The following OSBPL1A variants were observed in gnomAD, a reference collection of about 807,000 sequenced individuals.
The protein encoded by OSBPL1A is oxysterol-binding protein-related protein 1.
In OSBPL1A, 80 loss-of-function variants were observed where a neutral mutation model predicts 137.1. The ratio of observed to expected loss-of-function variants is 0.58; its 90% CI spans 0.49 to 0.70. OSBPL1A has a LOEUF of 0.70. OSBPL1A is among the 30% of genes least tolerant of loss of function. The pLI is 0.00. For synonymous variants in OSBPL1A, 365 were observed against 389.7 expected (o/e 0.94, Z 0.75); for missense variants, 970 against 1,129.4 (o/e 0.86, Z 2.02).
At chr18:24,194,807 C>CT (rs1428003815) in intron 18 of OSBPL1A, among the ~76,000 whole-genome samples, 1 of 152,190 alleles carries the variant, frequency 6.6e-6, no homozygotes, top group Non-Finnish European at 1.5e-5. Flanking sequence ...CTGCAACTTG[C>CT]TTGGGGTCTC....
chr18:24,186,351 C>T (rs1291494066), intron 18 of OSBPL1A, among the ~76,000 whole-genome samples: 1 of 152,002 alleles, frequency 6.6e-6, no homozygotes, highest in Non-Finnish European at 1.5e-5. Flanking sequence ...GATGATTTTT[C>T]CTCATTCTAA....
At chr18:24,365,441 G>A (rs766189180) in intron 4 of OSBPL1A, among the ~76,000 whole-genome samples, 2 of 152,090 alleles carry the variant, frequency 1.3e-5, no homozygotes, top group African/African-American at 2.4e-5. Context: ...AAAATTATCT[G>A]GGCATGGTGG....
chr18:24,326,079 A>C (rs998869871), intron 7 of OSBPL1A, among the ~76,000 whole-genome samples: 1 of 152,154 alleles, frequency 6.6e-6, no homozygotes, highest in East Asian at 1.9e-4. Context: ...GAAAAAAAGA[A>C]AAAAAGACTA....
Position 24,163,086 on chromosome 18 carries a change from T to A in OSBPL1A, c.*93A>T, listed in dbSNP as rs1317779350. ...ATGAGTGTTTTTTCATTTTTTTTTT[T>A]AAAAGATAAGTAGAAACCAAGGGAA... On this transcript the variant is annotated 3_prime_UTR_variant, in exon 28 of 28. Coordinates refer to ENST00000319481, the MANE Select transcript of OSBPL1A (RefSeq NM_080597.4). The A allele has an allele frequency of 9.5e-5, 74 of 777,134 alleles. No homozygotes were observed. Among genetic ancestry groups the A allele is most frequent in the South Asian group, 2.0e-4 (9 of 45,560 alleles). The allele number at this position is 777,134 out of a possible 1,614,324, so 48.1% of individuals were successfully genotyped here. A position where few individuals can be genotyped will look rare whatever the true frequency, so the allele number is the denominator to read the frequency against.
chr18:24,332,991 G>C lies in OSBPL1A; in HGVS notation c.576C>G (p.Ala192=), dbSNP rs756335472. ...CAAYRAHKQC[A]LKLLRSGADP... ...CTGCTCCACTTCTTAGAAGCTTTAAGGCACATTGTTTATGGGCCCGGTAAG... is the reference window on the plus strand; with the variant it reads ...CTGCTCCACTTCTTAGAAGCTTTAACGCACATTGTTTATGGGCCCGGTAAG... The change falls in exon 7 of 28, where the codon GCC becomes GCG. Residue 192 remains alanine, a synonymous_variant. Transcript: ENST00000319481. 1 of 1,614,144 alleles carries C rather than the reference G, an allele frequency of 6.2e-7. No individual in the cohort carries two copies. The highest frequency in any genetic ancestry group is 1.1e-5 in the South Asian group (1 of 91,080).
At chr18:24,220,840 T>C (rs746737058) in intron 17 of OSBPL1A, among the ~76,000 whole-genome samples, 1 of 151,378 alleles carries the variant, frequency 6.6e-6, no homozygotes, top group Non-Finnish European at 1.5e-5. Context: ...TGAGACAGAG[T>C]CTCGCTTTGT....
intron 15 of OSBPL1A, among the ~76,000 whole-genome samples, chr18:24,260,837 C>CA (rs71373370): frequency 0.38 from 45,204 of 120,268 alleles, 8,389 homozygotes; most frequent in Non-Finnish European, 0.46. Flanking sequence ...TAAAAGAACT[C>CA]AAAAAAAAAA....
At chr18:24,366,192 T>C (rs1475896774) in intron 4 of OSBPL1A, among the ~76,000 whole-genome samples, 1 of 152,108 alleles carries the variant, frequency 6.6e-6, no homozygotes, top group Non-Finnish European at 1.5e-5. Context: ...AAGAGATACA[T>C]AGGGCAAGGC....
In OSBPL1A at chr18:24,271,883, C is replaced by T. The variant is rs2089729624; in HGVS notation, c.1281+8959G>A. On this transcript the variant is annotated intron_variant, in intron 15 of 27. Transcript: ENST00000319481. This position sits in a 1 kb window ranked among gnomAD's most constrained non-coding sequence, Gnocchi z 4.0. ...CGTTGCCCGCCAGCGGCCCAGGACT[C>T]CCGCGCCGCGCCCGCCCGGGCCGCA... 1.0e-6 allele frequency: 1 copy of T among 984,738 alleles called. No homozygotes were observed. Among genetic ancestry groups the T allele is most frequent in the Admixed American group, 6.2e-5 (1 of 16,178 alleles). The allele number at this position is 984,738 out of a possible 1,614,324, so 61.0% of individuals were successfully genotyped here.
At chr18:24,389,901 C>A (rs898637311) in intron 1 of OSBPL1A, among the ~76,000 whole-genome samples, 1 of 151,930 alleles carries the variant, frequency 6.6e-6, no homozygotes, top group Admixed American at 6.6e-5. Context: ...GAGATCGCAC[C>A]ACTGCAGTCC....
chr18:24,288,256 T>G (rs2090105253), intron 14 of OSBPL1A, among the ~76,000 whole-genome samples: 1 of 152,178 alleles, frequency 6.6e-6, no homozygotes, highest in Non-Finnish European at 1.5e-5. Flanking sequence ...AAAAGGTCAC[T>G]GTTGCTGCAC....
At chr18:24,266,752 A>G (rs774814914) in intron 15 of OSBPL1A, among the ~76,000 whole-genome samples, 1 of 152,230 alleles carries the variant, frequency 6.6e-6, no homozygotes, top group Non-Finnish European at 1.5e-5. Context: ...ATACATTATT[A>G]GAGTCTAAAA....
chr18:24,312,133 G>C lies in OSBPL1A; in HGVS notation c.970-27C>G, dbSNP rs375745088. Reference sequence around the variant, plus strand: ...TGAAATCATGCAAGAATTTAAATGAGAGTGAAAAGCATTTTTATTCCAAAG... The same window carrying C: ...TGAAATCATGCAAGAATTTAAATGACAGTGAAAAGCATTTTTATTCCAAAG... On this transcript the variant is annotated intron_variant, in intron 12 of 27. Coordinates refer to ENST00000319481, the MANE Select transcript of OSBPL1A (RefSeq NM_080597.4). 12 of 1,610,344 alleles carry C rather than the reference G, an allele frequency of 7.5e-6. No individual in the cohort carries two copies. In the African/African-American group the frequency reaches 1.6e-4, roughly 22 times the overall value.
chr18:24,368,903 G>A (rs1905386525), intron 2 of OSBPL1A, among the ~76,000 whole-genome samples: 2 of 152,080 alleles, frequency 1.3e-5, no homozygotes, highest in African/African-American at 2.4e-5. Context: ...ATTGGAGCAG[G>A]GGCCTGGTGG....
chr18:24,229,563 G>A (rs1305318568), intron 16 of OSBPL1A, among the ~76,000 whole-genome samples: 1 of 152,170 alleles, frequency 6.6e-6, no homozygotes, highest in Admixed American at 6.5e-5. Flanking sequence ...ATCGTTTCAT[G>A]TGGAGACTCA....
chr18:24,236,342 A>G (rs774947461), intron 16 of OSBPL1A, among the ~76,000 whole-genome samples: 1 of 152,016 alleles, frequency 6.6e-6, no homozygotes, highest in Non-Finnish European at 1.5e-5. Flanking sequence ...ATGAGGGGGG[A>G]CCATTTGTTC....
chr18:24,377,863 T>C (rs1396580563), intron 1 of OSBPL1A, among the ~76,000 whole-genome samples: 3 of 152,212 alleles, frequency 2.0e-5, no homozygotes, highest in Non-Finnish European at 4.4e-5. Context: ...CATAGTATTA[T>C]GCAAATAGTT....
rs77045920 is a variant in OSBPL1A at position 24,363,866 on chromosome 18, G to A, written c.282+3026C>T. On this transcript the variant is annotated intron_variant, in intron 4 of 27. Coordinates refer to ENST00000319481, the MANE Select transcript of OSBPL1A (RefSeq NM_080597.4). ...TTGCCCAGGCTGGTCTCAAACTCCC[G>A]TGCTCAAGTGATCCTTCCACCTTGG... Among the ~76,000 whole-genome samples the A allele has an allele frequency of 8.8e-3, 1,329 of 150,444 alleles. 11 individuals carry two copies. The highest frequency in any genetic ancestry group is 0.028 in the Middle Eastern group (8 of 288).
At chr18:24,246,443 T>C (rs1198530001) in intron 15 of OSBPL1A, among the ~76,000 whole-genome samples, 2 of 151,898 alleles carry the variant, frequency 1.3e-5, no homozygotes, top group African/African-American at 4.8e-5. Flanking sequence ...CTTTTTACTA[T>C]GATCCCCATG....
Sources: gnomAD v4.1 joint callset for allele counts (sites outside exome capture counted in the v4.1 genomes callset) on GRCh38, gnomAD v4.1.1 for gene constraint, Gnocchi (gnomAD v3.1) non-coding constraint, MANE v1.5 for transcripts, NCBI Gene and HGNC (gene_info 2026-07-23, HGNC 2026-07-21) for gene names.